The following MCCC2 variants were observed in gnomAD, a reference collection of about 807,000 sequenced individuals.
The protein encoded by MCCC2 is methylcrotonyl-CoA carboxylase subunit 2.
A neutral mutation model predicts 77.2 loss-of-function variants in MCCC2; 52 were observed. The observed-to-expected ratio is 0.67, with a 90% CI of 0.54 to 0.85. The LOEUF is 0.85. Among genes scored for constraint, MCCC2 ranks in the 40% least tolerant of loss-of-function variants. The probability of loss-of-function intolerance (pLI) is 0.00; values close to 1 mark genes in which losing one functional copy is unlikely to be tolerated. For missense variants in MCCC2, 682 were observed against 703.2 expected, an observed-to-expected ratio of 0.97 and a Z score of 0.34; for synonymous variants, 253 against 248.4, an observed-to-expected ratio of 1.02 and a Z score of -0.18.
chr5:71,634,852 A>G (rs1335481894), intron 8 of MCCC2, 91 bp from the exon 9 acceptor site: 2 of 1,157,708 alleles, frequency 1.7e-6, no homozygotes, highest in African/African-American at 1.5e-5. Flanking sequence ...AAGTGCTGTC[A>G]TCTTTAGATG....
chr5:71,624,445 T>C (rs1746467876), intron 6 of MCCC2, among the ~76,000 whole-genome samples: 1 of 151,966 alleles, frequency 6.6e-6, no homozygotes, highest in Non-Finnish European at 1.5e-5. Context: ...TGGTGTGATC[T>C]CGGCTTACCG....
chr5:71,595,658 A>G (rs1197923038), intron 2 of MCCC2, among the ~76,000 whole-genome samples: 1 of 152,174 alleles, frequency 6.6e-6, no homozygotes, highest in Non-Finnish European at 1.5e-5. Flanking sequence ...AGAGTGGGTT[A>G]TAGATATTCC....
intron 7 of MCCC2, among the ~76,000 whole-genome samples, chr5:71,630,213 T>A (rs1331542243): frequency 3.3e-5 from 5 of 152,174 alleles, no homozygotes; most frequent in South Asian, 4.1e-4. Context: ...GACCGAATGT[T>A]GAGAAAGGGC....
At chr5:71,630,537 A>G (rs976720215) in intron 7 of MCCC2, among the ~76,000 whole-genome samples, 1 of 151,284 alleles carries the variant, frequency 6.6e-6, no homozygotes, top group Non-Finnish European at 1.5e-5. Flanking sequence ...TCTGTTGTTT[A>G]TTCCTTTTTG....
intron 6 of MCCC2, among the ~76,000 whole-genome samples, chr5:71,620,270 G>C (rs1746311428): frequency 6.6e-6 from 1 of 152,110 alleles, no homozygotes. Context: ...ATATTTTGTG[G>C]CTTTTATTTT....
intron 15 of MCCC2, among the ~76,000 whole-genome samples, chr5:71,650,735 G>T (rs1747415850): frequency 6.6e-6 from 1 of 152,076 alleles, no homozygotes; most frequent in Non-Finnish European, 1.5e-5. Flanking sequence ...TGCAAGCTCC[G>T]CCTCCCAGGT....
intron 6 of MCCC2, among the ~76,000 whole-genome samples, chr5:71,606,910 A>G (rs1360383618): frequency 2.6e-5 from 4 of 151,360 alleles, no homozygotes; most frequent in Non-Finnish European, 4.4e-5. Context: ...CCAGCCTTGC[A>G]TCCCAGGGAT....
At chr5:71,643,951 A>C in intron 12 of MCCC2, 56 bp downstream of exon 12, 1 of 1,605,522 alleles carries the variant, frequency 6.2e-7, no homozygotes. Flanking sequence ...CATAACGTTG[A>C]AGGTCAAATA....
intron 10 of MCCC2, among the ~76,000 whole-genome samples, chr5:71,637,479 T>C (rs1339085212): frequency 1.3e-5 from 2 of 152,260 alleles, no homozygotes; most frequent in Non-Finnish European, 2.9e-5. Flanking sequence ...AAATACCTTA[T>C]TGCTTTTAAA....
intron 6 of MCCC2, among the ~76,000 whole-genome samples, chr5:71,608,996 T>TA (rs1250879144): frequency 5.3e-5 from 8 of 152,072 alleles, no homozygotes; most frequent in African/African-American, 1.9e-4. Context: ...TGGCTGCCCT[T>TA]AACATTTTTT....
At chr5:71,593,024 CT>C in intron 2 of MCCC2, 32 bp downstream of exon 2, 2 of 1,532,236 alleles carry the variant, frequency 1.3e-6, no homozygotes, top group Non-Finnish European at 1.8e-6. Context: ...CAGCTTATGC[CT>C]TTACTTAAGA....
intron 8 of MCCC2, among the ~76,000 whole-genome samples, chr5:71,634,028 C>A (rs1405534535): frequency 6.6e-6 from 1 of 152,276 alleles, no homozygotes; most frequent in South Asian, 2.1e-4. Context: ...CACTGAGAGC[C>A]TAGCTCTAAG....
At chr5:71,619,969 C>T (rs954279102) in intron 6 of MCCC2, among the ~76,000 whole-genome samples, 2 of 150,292 alleles carry the variant, frequency 1.3e-5, no homozygotes, top group African/African-American at 2.4e-5. Flanking sequence ...CCAGCCTGGG[C>T]GACAGAGTGA....
At chr5:71,616,652 G>A (rs550151189) in intron 6 of MCCC2, among the ~76,000 whole-genome samples, 1 of 151,962 alleles carries the variant, frequency 6.6e-6, no homozygotes, top group South Asian at 2.1e-4. Context: ...CCCATCTACT[G>A]CTAGCACTAC....
At chr5:71,638,778 C>T (rs1747016430) in intron 10 of MCCC2, among the ~76,000 whole-genome samples, 1 of 152,194 alleles carries the variant, frequency 6.6e-6, no homozygotes, top group Non-Finnish European at 1.5e-5. Context: ...GTCTTGGCCT[C>T]CCAAAGTGCT....
chr5:71,646,928 T>C (rs550708893), intron 13 of MCCC2, among the ~76,000 whole-genome samples: 314 of 152,318 alleles, frequency 2.1e-3, no homozygotes, highest in African/African-American at 6.4e-3. Context: ...TGTATGTGTA[T>C]ACCCTGAACC....
intron 5 of MCCC2, among the ~76,000 whole-genome samples, chr5:71,603,619 G>A (rs1418866061): frequency 1.3e-5 from 2 of 152,144 alleles, no homozygotes; most frequent in African/African-American, 4.8e-5. Flanking sequence ...AACAGCAAAT[G>A]AGGCCCAGCT....
chr5:71,637,216 A>G (rs1746962992), intron 10 of MCCC2, among the ~76,000 whole-genome samples: 1 of 152,216 alleles, frequency 6.6e-6, no homozygotes, highest in Non-Finnish European at 1.5e-5. Context: ...TCACCTGTAT[A>G]TGAACCTCAT....
chr5:71,649,365 C>A, intron 14 of MCCC2, 112 bp downstream of exon 14: 1 of 1,026,650 alleles, frequency 9.7e-7, no homozygotes, highest in Non-Finnish European at 1.5e-6. Flanking sequence ...AGATCTCAAT[C>A]AATTATACCG....
Sources: allele counts gnomAD v4.1 joint callset (sites outside exome capture counted in the v4.1 genomes callset), GRCh38; gene constraint gnomAD v4.1.1; transcripts MANE v1.5; gene names NCBI Gene and HGNC (gene_info 2026-07-23, HGNC 2026-07-21).